GABRG3: variants seen among roughly 807,000 people sequenced by gnomAD.
GABRG3 encodes the protein gamma-aminobutyric acid receptor subunit gamma-3.
Under a neutral mutation model 48.8 loss-of-function variants are expected in GABRG3, and 25 were observed. The ratio of observed to expected loss-of-function variants is 0.51; its 90% CI spans 0.37 to 0.72. The LOEUF (loss-of-function observed/expected upper bound fraction) is 0.72. Among genes scored for constraint, GABRG3 ranks in the 30% least tolerant of loss-of-function variants. The probability of loss-of-function intolerance (pLI) is 0.00; values close to 1 mark genes in which losing one functional copy is unlikely to be tolerated. For missense variants in GABRG3, 394 were observed against 577.9 expected (o/e 0.68, Z 3.26); for synonymous variants, 227 against 217.6 (o/e 1.04, Z -0.38).
Position 27,385,744 on chromosome 15 carries a change from T to G in GABRG3, c.574+56856T>G, listed in dbSNP as rs149078937. Among the ~76,000 whole-genome samples, 677 of 152,306 alleles carry G rather than the reference T, an allele frequency of 4.4e-3. 7 individuals carry two copies. The highest frequency in any genetic ancestry group is 0.016 in the African/African-American group (651 of 41,568). ...TTCATTTTTATCATTCTGTTCTATA[T>G]TGACAGTCTCTATCTGGTGAACCAT... is the stretch of plus-strand genomic sequence containing the variant. On this transcript the variant is annotated intron_variant, in intron 5 of 9. Coordinates refer to ENST00000615808, the MANE Select transcript of GABRG3 (RefSeq NM_033223.5).
intron 3 of GABRG3, among the ~76,000 whole-genome samples, chr15:27,228,876 C>T (rs1889707836): frequency 6.6e-6 from 1 of 152,166 alleles, no homozygotes; most frequent in Admixed American, 6.5e-5. Flanking sequence ...TGAGAAGTGT[C>T]TGTTCATGTC....
At chr15:27,313,234 G>GTA (rs202086840) in intron 3 of GABRG3, among the ~76,000 whole-genome samples, 3,482 of 63,482 alleles carry the variant, frequency 0.055, 367 homozygotes, top group African/African-American at 0.18. Context: ...ATACGTATAT[G>GTA]TATATATGTG....
chr15:27,532,768 A>G lies in GABRG3; in HGVS notation c.1291A>G (p.Lys431Glu), dbSNP rs1891458195. ...AGAATGTAAATCAGGATCCTGGAGG[A>G]AAGGGCGTATTCACATAGACATCTT... ...YEECKSGSWR[K>E]GRIHIDILEL... Residue 431 changes from lysine to glutamate, a missense_variant, in exon 10 of 10, where the codon AAA (lysine) becomes GAA (glutamate). By Grantham distance (56) the Lys-to-Glu change is moderately conservative. Transcript: ENST00000615808. 4 of 1,613,976 alleles carry G rather than the reference A, an allele frequency of 2.5e-6. No homozygotes were observed. In the East Asian group the frequency reaches 6.7e-5, roughly 27 times the overall value.
chr15:27,415,179 C>G (rs182300529), intron 5 of GABRG3, among the ~76,000 whole-genome samples: 56 of 151,824 alleles, frequency 3.7e-4, no homozygotes, highest in African/African-American at 1.3e-3. Context: ...CATGTGTTTC[C>G]CCTTTTATAG....
intron 3 of GABRG3, among the ~76,000 whole-genome samples, chr15:27,224,954 G>A (rs1889565421): frequency 6.6e-6 from 1 of 151,692 alleles, no homozygotes; most frequent in Admixed American, 6.6e-5. Context: ...TCAGTTGCTA[G>A]GAATGGTGGA....
chr15:27,068,819 A>G (rs1416818504), intron 3 of GABRG3, among the ~76,000 whole-genome samples: 2 of 152,320 alleles, frequency 1.3e-5, no homozygotes, highest in South Asian at 2.1e-4. Flanking sequence ...AAAAACATTT[A>G]CCTGGGAACT....
intron 3 of GABRG3, among the ~76,000 whole-genome samples, chr15:27,309,778 C>G (rs1023011486): frequency 2.0e-5 from 3 of 152,058 alleles, no homozygotes; most frequent in African/African-American, 7.2e-5. Context: ...AAATGCTAAT[C>G]TGTTCTAAAA....
chr15:27,125,307 C>T (rs1897800654), intron 3 of GABRG3, among the ~76,000 whole-genome samples: 1 of 151,168 alleles, frequency 6.6e-6, no homozygotes, highest in Non-Finnish European at 1.5e-5. Flanking sequence ...CTTGAGCTTT[C>T]GGAAGCAGAG....
intron 5 of GABRG3, among the ~76,000 whole-genome samples, chr15:27,339,975 G>A (rs1349520172): frequency 6.6e-6 from 1 of 152,108 alleles, no homozygotes; most frequent in Non-Finnish European, 1.5e-5. Context: ...GGGCAGGAAG[G>A]CTGGGGAGGC....
chr15:27,288,013 A>G (rs1232986502), intron 3 of GABRG3, among the ~76,000 whole-genome samples: 1 of 152,182 alleles, frequency 6.6e-6, no homozygotes, highest in Non-Finnish European at 1.5e-5. Context: ...CTGGGATTAC[A>G]GGTGTGAGCC....
At chr15:27,061,429 C>T (rs1896642886) in intron 3 of GABRG3, among the ~76,000 whole-genome samples, 1 of 150,130 alleles carries the variant, frequency 6.7e-6, no homozygotes, top group Non-Finnish European at 1.5e-5. Flanking sequence ...AAACAATGCT[C>T]CATTGAGGTA....
At chr15:27,307,483 T>C (rs1457125384) in intron 3 of GABRG3, among the ~76,000 whole-genome samples, 1 of 28,488 alleles carries the variant, frequency 3.5e-5, no homozygotes, top group Non-Finnish European at 9.9e-5. Context: ...AAACATAGGT[T>C]TATAGGTTTA....
chr15:27,436,999 G>C (rs937564016), intron 5 of GABRG3, among the ~76,000 whole-genome samples: 1 of 101,970 alleles, frequency 9.8e-6, no homozygotes, highest in African/African-American at 6.6e-5. Context: ...GAAAAATAGA[G>C]AGAGAGAGAG....
intron 6 of GABRG3, among the ~76,000 whole-genome samples, chr15:27,517,269 C>T (rs540040709): frequency 2.0e-5 from 3 of 152,266 alleles, no homozygotes; most frequent in South Asian, 4.1e-4. Flanking sequence ...GATGCTGCCT[C>T]CTCCGTCATT....
chr15:27,475,937 GT>G (rs936691797), intron 5 of GABRG3, among the ~76,000 whole-genome samples: 1 of 152,136 alleles, frequency 6.6e-6, no homozygotes, highest in African/African-American at 2.4e-5. Flanking sequence ...GATGACAAAG[GT>G]AGGAAGAAGT....
At chr15:27,190,273 G>A (rs1888248552) in intron 3 of GABRG3, among the ~76,000 whole-genome samples, 2 of 152,122 alleles carry the variant, frequency 1.3e-5, no homozygotes, top group Admixed American at 6.5e-5. Flanking sequence ...CTCTTTTTCT[G>A]TTGATTGGAA....
chr15:27,470,147 TC>T (rs1209009716), intron 5 of GABRG3, among the ~76,000 whole-genome samples: 1 of 152,230 alleles, frequency 6.6e-6, no homozygotes, highest in Non-Finnish European at 1.5e-5. Context: ...TTATCAAATT[TC>T]AGTGTGATTT....
chr15:27,263,909 G>C (rs1890838442), intron 3 of GABRG3, among the ~76,000 whole-genome samples: 1 of 146,474 alleles, frequency 6.8e-6, no homozygotes, highest in African/African-American at 2.6e-5. Flanking sequence ...CTGGGCGAAA[G>C]AGCGAGACTC....
intron 3 of GABRG3, among the ~76,000 whole-genome samples, chr15:27,167,965 C>G (rs73373461): frequency 1.3e-5 from 2 of 152,034 alleles, no homozygotes; most frequent in African/African-American, 2.4e-5. Flanking sequence ...GTCAGATGCC[C>G]GCTAGGCGAG....
Sources: gnomAD v4.1 joint callset for allele counts (sites outside exome capture counted in the v4.1 genomes callset) on GRCh38, gnomAD v4.1.1 for gene constraint, MANE v1.5 for transcripts, NCBI Gene and HGNC (gene_info 2026-07-23, HGNC 2026-07-21) for gene names.